DNAAF9: variants seen among roughly 807,000 people sequenced by gnomAD.
DNAAF9 encodes the protein dynein axonemal assembly factor 9.
Under a neutral mutation model 167.0 loss-of-function variants are expected in DNAAF9, and 90 were observed. The ratio of observed to expected loss-of-function variants is 0.54; its 90% CI spans 0.45 to 0.64. The LOEUF (loss-of-function observed/expected upper bound fraction) is 0.64. Among genes scored for constraint, DNAAF9 ranks in the 30% least tolerant of loss-of-function variants. The pLI is 0.00. For synonymous variants in DNAAF9, 491 were observed against 508.8 expected (o/e 0.96, Z 0.47); for missense variants, 1,315 against 1,442.2 (o/e 0.91, Z 1.43).
chr20:3,376,328 C>A (rs543236316), intron 3 of DNAAF9, 26 bp from the exon 4 acceptor site: 25 of 1,570,470 alleles, frequency 1.6e-5, no homozygotes, highest in Admixed American at 1.8e-5. Context: ...AATCAAAACA[C>A]AAGACTGTCA....
At chr20:3,364,109 C>T (rs6037574) in intron 6 of DNAAF9, among the ~76,000 whole-genome samples, 96,363 of 151,984 alleles carry the variant, frequency 0.63, 30,766 homozygotes, top group South Asian at 0.69. Flanking sequence ...GCTTTGGGTC[C>T]TTTTTTTGTA....
chr20:3,261,602 G>A (rs1398252199), intron 31 of DNAAF9, among the ~76,000 whole-genome samples: 3 of 151,632 alleles, frequency 2.0e-5, no homozygotes, highest in Admixed American at 6.6e-5. Flanking sequence ...TCCTGACCTC[G>A]TGATCCACCC....
intron 25 of DNAAF9, among the ~76,000 whole-genome samples, chr20:3,293,162 G>A (rs1195356252): frequency 1.3e-5 from 2 of 149,508 alleles, no homozygotes; most frequent in East Asian, 2.0e-4. Context: ...GCGTGGGGGC[G>A]CATGCCTGTA....
intron 10 of DNAAF9, among the ~76,000 whole-genome samples, chr20:3,337,488 T>C (rs368562153): frequency 9.9e-5 from 15 of 151,668 alleles, no homozygotes; most frequent in East Asian, 5.8e-4. Context: ...TTCACTGTGT[T>C]AGCCAGGATG....
At chr20:3,372,249 C>T (rs1361914299) in intron 6 of DNAAF9, among the ~76,000 whole-genome samples, 1 of 152,184 alleles carries the variant, frequency 6.6e-6, no homozygotes, top group Non-Finnish European at 1.5e-5. Flanking sequence ...ACTGGCAGAG[C>T]CCATCTGTAG....
chr20:3,305,506 T>C (rs759998642), intron 20 of DNAAF9, among the ~76,000 whole-genome samples: 7 of 152,372 alleles, frequency 4.6e-5, no homozygotes, highest in Non-Finnish European at 7.3e-5. Context: ...ATAAGTGAAA[T>C]TGATTCCTTA....
intron 9 of DNAAF9, 78 bp downstream of exon 9, chr20:3,343,598 C>A: frequency 9.5e-7 from 1 of 1,056,786 alleles, no homozygotes; most frequent in South Asian, 1.4e-5. Context: ...AACTTGAATG[C>A]ACCCCCACAG....
intron 7 of DNAAF9, among the ~76,000 whole-genome samples, chr20:3,350,492 G>A (rs2070301743): frequency 6.6e-6 from 1 of 152,118 alleles, no homozygotes; most frequent in African/African-American, 2.4e-5. Context: ...CAGAGAGAGA[G>A]AAAGAGACAG....
intron 20 of DNAAF9, among the ~76,000 whole-genome samples, chr20:3,314,265 C>T (rs969480662): frequency 6.6e-6 from 1 of 151,868 alleles, no homozygotes; most frequent in Non-Finnish European, 1.5e-5. Context: ...GGGATGAGAC[C>T]CTTGGGAGGA....
At chr20:3,285,480 A>G (rs2068835081) in intron 27 of DNAAF9, among the ~76,000 whole-genome samples, 1 of 152,136 alleles carries the variant, frequency 6.6e-6, no homozygotes, top group Admixed American at 6.5e-5. Context: ...GGAGTTCAAG[A>G]CCAGCCTAAC....
intron 1 of DNAAF9, among the ~76,000 whole-genome samples, chr20:3,395,068 C>T (rs1478829689): frequency 1.1e-4 from 16 of 142,380 alleles, no homozygotes; most frequent in Admixed American, 1.0e-3. Flanking sequence ...CCCGGGTTCA[C>T]GCCATTCTCC....
chr20:3,407,383 T>A, intron 1 of DNAAF9, 92 bp downstream of exon 1: 1 of 1,067,910 alleles, frequency 9.4e-7, no homozygotes, highest in Non-Finnish European at 1.2e-6. Context: ...GGAAGCCATG[T>A]CGGACCACGC....
At chr20:3,286,813 T>C (rs1257065622) in intron 27 of DNAAF9, among the ~76,000 whole-genome samples, 5 of 152,194 alleles carry the variant, frequency 3.3e-5, no homozygotes, top group African/African-American at 1.2e-4. Flanking sequence ...AACTAGCCAA[T>C]TGCAAACACT....
At chr20:3,283,300 T>A (rs1206659426) in intron 27 of DNAAF9, among the ~76,000 whole-genome samples, 1 of 152,230 alleles carries the variant, frequency 6.6e-6, no homozygotes, top group Non-Finnish European at 1.5e-5. Flanking sequence ...TGAGTTGTTC[T>A]TGAGTTCCTA....
intron 12 of DNAAF9, among the ~76,000 whole-genome samples, chr20:3,327,364 G>A (rs1386641330): frequency 1.3e-5 from 2 of 152,108 alleles, no homozygotes; most frequent in Non-Finnish European, 2.9e-5. Flanking sequence ...ATGTTCCTGG[G>A]AGTGGGGAAA....
intron 23 of DNAAF9, chr20:3,296,165 C>T: frequency 1.7e-6 from 1 of 595,280 alleles, no homozygotes; most frequent in South Asian, 1.4e-5. Flanking sequence ...TGTAGTCCCA[C>T]CTGCTAAGCG....
intron 21 of DNAAF9, among the ~76,000 whole-genome samples, chr20:3,303,207 A>T (rs2069224948): frequency 6.6e-6 from 1 of 150,948 alleles, no homozygotes; most frequent in South Asian, 2.1e-4. Context: ...GCACCACTGC[A>T]CTCCAGCCTG....
chr20:3,294,179 T>C lies in DNAAF9; in HGVS notation c.2198A>G (p.Gln733Arg). 4 of 1,611,862 alleles carry C rather than the reference T, an allele frequency of 2.5e-6. No individual in the cohort carries two copies. The highest frequency in any genetic ancestry group is 3.4e-6 in the Non-Finnish European group (4 of 1,177,902). The change falls in exon 25 of 37, where the codon CAA (glutamine) becomes CGA (arginine). Residue 733 changes from glutamine (Q) to arginine (R), a missense_variant. Around this residue, in one of 2 missense-constraint regions of DNAAF9, gnomAD observed 981 missense variants for 1,012.5 expected, o/e 0.97. Transcript: ENST00000252032. ...MRTHLPVLLQQAEINTTHRIE... is the reference protein window; with the variant it reads ...MRTHLPVLLQRAEINTTHRIE... ...TCTGTGAGTAGTGTTGATTTCAGCT[T>C]GCTGCAGCAGCACAGGAAGATGGGT...
At chr20:3,352,846 TTATA>T (rs11471503) in intron 7 of DNAAF9, among the ~76,000 whole-genome samples, 6,304 of 146,684 alleles carry the variant, frequency 0.043, 199 homozygotes, top group African/African-American at 0.087. Context: ...TTCAAAATAT[TTATA>T]TATATATATA....
Sources: gnomAD v4.1 joint callset for allele counts (sites outside exome capture counted in the v4.1 genomes callset) on GRCh38, gnomAD v4.1.1 for gene constraint, gnomAD v4.1.1 regional missense constraint, MANE v1.5 for transcripts, NCBI Gene and HGNC (gene_info 2026-07-23, HGNC 2026-07-21) for gene names.